Variants in DPP6 observed in about 807,000 individuals in gnomAD.
DPP6 encodes the protein A-type potassium channel modulatory protein DPP6.
Under a neutral mutation model 122.6 loss-of-function variants are expected in DPP6, and 69 were observed. That is an observed-to-expected ratio of 0.56 (90% CI 0.46 to 0.69). The LOEUF (loss-of-function observed/expected upper bound fraction) is 0.69, where lower values mean the gene tolerates loss of function less well. Among genes scored for constraint, DPP6 ranks in the 30% least tolerant of loss-of-function variants. DPP6 has a pLI of 0.00. For synonymous variants in DPP6, 418 were observed against 433.1 expected (o/e 0.97, Z 0.43); for missense variants, 928 against 1,116.9 (o/e 0.83, Z 2.41).
intron 1 of DPP6, among the ~76,000 whole-genome samples, chr7:153,985,087 G>T (rs71530431): frequency 6.6e-6 from 1 of 152,230 alleles, no homozygotes; most frequent in Admixed American, 6.5e-5. Context: ...GTCCCTGCTC[G>T]CAGTGCTGAC....
At chr7:154,749,605 AG>A in intron 8 of DPP6, among the ~76,000 whole-genome samples, 1 of 132,134 alleles carries the variant, frequency 7.6e-6, no homozygotes, top group Non-Finnish European at 1.6e-5. Context: ...AGAGGGATGG[AG>A]GCTTTACTGT....
At chr7:153,890,036 T>C (rs1404049569) in intron 1 of DPP6, among the ~76,000 whole-genome samples, 1 of 152,230 alleles carries the variant, frequency 6.6e-6, no homozygotes, top group African/African-American at 2.4e-5. Context: ...TTGGATTAGA[T>C]GACTGGCAAA....
At chr7:153,778,766 A>T in the DPP6 span, among the ~76,000 whole-genome samples, 1 of 151,800 alleles carries the variant, frequency 6.6e-6, no homozygotes, top group Non-Finnish European at 1.5e-5. Flanking sequence ...TACTTTGGAA[A>T]ACAGTTTGTC....
intron 16 of DPP6, among the ~76,000 whole-genome samples, chr7:154,807,922 A>T (rs1798802076): frequency 6.6e-6 from 1 of 152,232 alleles, no homozygotes. Context: ...CCCAAACTGC[A>T]AGAGTTTGAT....
chr7:154,076,372 C>G (rs933404730), intron 1 of DPP6, among the ~76,000 whole-genome samples: 1 of 151,742 alleles, frequency 6.6e-6, no homozygotes, highest in African/African-American at 2.4e-5. Context: ...ATCTCTTGAA[C>G]CTGGGAGGCG....
At chr7:154,268,368 G>A (rs1042019662) in intron 1 of DPP6, among the ~76,000 whole-genome samples, 3 of 152,218 alleles carry the variant, frequency 2.0e-5, no homozygotes, top group Admixed American at 6.5e-5. Flanking sequence ...CAAGATCAAA[G>A]TGGAAACAGA....
chr7:154,881,333 G>A (rs992893887), intron 21 of DPP6, among the ~76,000 whole-genome samples: 11 of 152,218 alleles, frequency 7.2e-5, no homozygotes, highest in Admixed American at 3.3e-4. Context: ...CTACTTAGAC[G>A]GAAGCACAGG....
At chr7:154,173,375 C>T (rs929942294) in intron 1 of DPP6, among the ~76,000 whole-genome samples, 1 of 152,150 alleles carries the variant, frequency 6.6e-6, no homozygotes, top group Non-Finnish European at 1.5e-5. Context: ...GAAACAGTTT[C>T]GTGTAAGCCC....
the DPP6 span, among the ~76,000 whole-genome samples, chr7:153,847,233 C>G: frequency 1.1e-4 from 17 of 152,282 alleles, 1 homozygote; most frequent in Admixed American, 9.8e-4. Flanking sequence ...ATGGCTACTC[C>G]ATAGGCAGAG....
intron 8 of DPP6, among the ~76,000 whole-genome samples, chr7:154,765,743 C>T (rs145660293): frequency 0.011 from 1,602 of 152,280 alleles, 21 homozygotes; most frequent in South Asian, 0.024. Flanking sequence ...AAAATAGCCC[C>T]CCAGCAGGAC....
intron 1 of DPP6, among the ~76,000 whole-genome samples, chr7:154,139,110 A>G (rs1198949666): frequency 2.0e-5 from 3 of 151,746 alleles, no homozygotes; most frequent in African/African-American, 7.3e-5. Flanking sequence ...GAAGGTAGAT[A>G]TAGACAGATA....
chr7:154,147,032 A>T lies in DPP6; in HGVS notation c.243+93969A>T, dbSNP rs371633309. Among the ~76,000 whole-genome samples, 14 of 152,206 alleles carry T rather than the reference A, an allele frequency of 9.2e-5. No individual in the cohort carries two copies. The East Asian group carries it at 1.9e-3, about 21-fold the overall frequency. ...GAAAAAAGAAAACCCTCCTGCACAG[A>T]TTGTGCGATCATTTCATTTCCTTGC... On this transcript the variant is annotated intron_variant, in intron 1 of 25. Coordinates refer to ENST00000377770, the MANE Select transcript of DPP6 (RefSeq NM_130797.4).
At chr7:154,081,843 A>G (rs1804035565) in intron 1 of DPP6, among the ~76,000 whole-genome samples, 1 of 152,038 alleles carries the variant, frequency 6.6e-6, no homozygotes, top group African/African-American at 2.4e-5. Flanking sequence ...ACGTTAGCAA[A>G]TAAGGTTGTA....
At chr7:154,098,929 A>G (rs1246969992) in intron 1 of DPP6, among the ~76,000 whole-genome samples, 1 of 152,272 alleles carries the variant, frequency 6.6e-6, no homozygotes, top group Non-Finnish European at 1.5e-5. Context: ...TCTACACTTT[A>G]AAAGTAAATC....
At chr7:154,647,014 A>G (rs529172567) in intron 6 of DPP6, among the ~76,000 whole-genome samples, 32 of 152,342 alleles carry the variant, frequency 2.1e-4, no homozygotes, top group Admixed American at 1.4e-3. Context: ...GAAAATGCCC[A>G]GGAGTCCTCA....
intron 3 of DPP6, among the ~76,000 whole-genome samples, chr7:154,488,852 C>T (rs1465736420): frequency 6.6e-6 from 1 of 152,160 alleles, no homozygotes; most frequent in Non-Finnish European, 1.5e-5. Flanking sequence ...CGTCCCTCCT[C>T]CATCCTCCAT....
chr7:154,326,243 G>A (rs932657959), intron 1 of DPP6, among the ~76,000 whole-genome samples: 5 of 152,106 alleles, frequency 3.3e-5, no homozygotes, highest in African/African-American at 1.2e-4. Context: ...CCTAAGGTCT[G>A]TGGCATACAA....
At chr7:154,798,594 C>T (rs543050843) in intron 12 of DPP6, among the ~76,000 whole-genome samples, 5 of 152,278 alleles carry the variant, frequency 3.3e-5, no homozygotes, top group East Asian at 3.9e-4. Flanking sequence ...TGGGATGGAG[C>T]GTCCCTGGGT....
the DPP6 span, among the ~76,000 whole-genome samples, chr7:153,759,017 C>T: frequency 0.019 from 2,829 of 151,468 alleles, 27 homozygotes; most frequent in African/African-American, 0.036. Flanking sequence ...GCTTCCGGTT[C>T]CCCCAAATCC....
Sources: allele counts gnomAD v4.1 joint callset (sites outside exome capture counted in the v4.1 genomes callset), GRCh38; gene constraint gnomAD v4.1.1; transcripts MANE v1.5; gene names NCBI Gene and HGNC (gene_info 2026-07-23, HGNC 2026-07-21).